Variants in SMPD3 observed in about 807,000 individuals in gnomAD.
SMPD3 encodes the protein sphingomyelin phosphodiesterase 3, also known as nSMase-2.
SMPD3 carries 21 observed loss-of-function variants against 55.7 expected under a neutral mutation model. The ratio of observed to expected loss-of-function variants is 0.38; its 90% confidence interval spans 0.27 to 0.54. The LOEUF is 0.54. SMPD3 is among the 20% of genes least tolerant of loss of function. The pLI, the probability that SMPD3 is intolerant of heterozygous loss-of-function variation, is 0.80. For missense variants in SMPD3, 842 were observed against 899.6 expected (o/e 0.94, Z 0.82); for synonymous variants, 457 against 404.3 (o/e 1.13, Z -1.56).
intron 7 of SMPD3, among the ~76,000 whole-genome samples, 197 bp downstream of exon 7, chr16:68,363,299 G>A (rs963929886): frequency 1.4e-4 from 21 of 152,302 alleles, no homozygotes; most frequent in Admixed American, 2.6e-4. Flanking sequence ...ACCCCTGGGC[G>A]TGAGGGCGTG....
In SMPD3 at chr16:68,404,473, A is replaced by AG. The variant is rs950671301; in HGVS notation, c.-268-17815dup. Among the ~76,000 whole-genome samples the AG allele has an allele frequency of 3.2e-4, 48 of 152,156 alleles. No homozygotes were observed. Among genetic ancestry groups the AG allele is most frequent in the African/African-American group, 1.0e-3 (42 of 41,498 alleles). On this transcript the variant is annotated intron_variant, in intron 1 of 8. Coordinates refer to ENST00000219334, the MANE Select transcript of SMPD3 (RefSeq NM_018667.4). The surrounding 1 kb of genome is among the most constrained non-coding windows in gnomAD (Gnocchi z 4.0). Reference sequence around the variant, plus strand: ...CGCTTGCCTTGGCCTCCCAGGCATGAGCCACCATGCCCAGCTGTTTTCTCT... The same window carrying AG: ...CGCTTGCCTTGGCCTCCCAGGCATGAGGCCACCATGCCCAGCTGTTTTCTCT...
chr16:68,423,555 C>T (rs1249080719), intron 1 of SMPD3, among the ~76,000 whole-genome samples: 3 of 152,128 alleles, frequency 2.0e-5, no homozygotes, highest in Non-Finnish European at 4.4e-5. Context: ...CTTGGACTTC[C>T]CAGCCTCCAG....
chr16:68,444,766 G>A (rs2090597539), intron 1 of SMPD3, among the ~76,000 whole-genome samples: 1 of 152,222 alleles, frequency 6.6e-6, no homozygotes, highest in African/African-American at 2.4e-5. Flanking sequence ...AGGATAAGCA[G>A]GTGGTTCAAT....
chr16:68,409,403 G>A (rs1303467043), intron 1 of SMPD3, among the ~76,000 whole-genome samples: 1 of 152,174 alleles, frequency 6.6e-6, no homozygotes, highest in African/African-American at 2.4e-5. Flanking sequence ...TGTGTTGTGG[G>A]CAGCAGCTCT....
chr16:68,361,057 C>T lies in SMPD3; in HGVS notation c.*149G>A, dbSNP rs965521611. 15 of 705,786 alleles carry T rather than the reference C, an allele frequency of 2.1e-5. No homozygotes were observed. Among genetic ancestry groups the T allele is most frequent in the East Asian group, 1.4e-4 (5 of 36,546 alleles). The allele number at this position is 705,786 out of a possible 1,614,324, so 43.7% of individuals were successfully genotyped here. A position where few individuals can be genotyped will look rare whatever the true frequency, so the allele number is the denominator to read the frequency against. ...AGTGAGGCCCAGAGGCGCAGAGCAG[C>T]GCAGCTTCCAGGTTCCCGGGCACTG... On this transcript the variant is annotated 3_prime_UTR_variant, in exon 9 of 9. Coordinates refer to ENST00000219334, the MANE Select transcript of SMPD3 (RefSeq NM_018667.4).
chr16:68,372,486 T>G, intron 2 of SMPD3, 99 bp from the exon 3 acceptor site: 1 of 459,266 alleles, frequency 2.2e-6, no homozygotes. Context: ...CTGCTTCCCC[T>G]GGTGTGAGTG....
intron 1 of SMPD3, among the ~76,000 whole-genome samples, chr16:68,439,349 G>T (rs1272069238): frequency 6.6e-6 from 1 of 152,134 alleles, no homozygotes; most frequent in Non-Finnish European, 1.5e-5. Context: ...GCCAGACCCT[G>T]GTCTCCTCCT....
chr16:68,409,386 C>T (rs1744033993), intron 1 of SMPD3, among the ~76,000 whole-genome samples: 1 of 152,140 alleles, frequency 6.6e-6, no homozygotes, highest in Admixed American at 6.5e-5. Context: ...CTGACTCGGG[C>T]TGGGTCTGTG....
chr16:68,423,268 C>T (rs901105552), intron 1 of SMPD3, among the ~76,000 whole-genome samples: 2 of 152,156 alleles, frequency 1.3e-5, no homozygotes, highest in African/African-American at 4.8e-5. Context: ...TGGGATTCCT[C>T]AGAGAGTTAC....
chr16:68,396,916 C>A (rs985939977), intron 1 of SMPD3, among the ~76,000 whole-genome samples: 1 of 152,198 alleles, frequency 6.6e-6, no homozygotes, highest in Non-Finnish European at 1.5e-5. Flanking sequence ...TCTTCATCAA[C>A]ATGATTATAT....
At chr16:68,396,036 G>A (rs2090153929) in intron 1 of SMPD3, among the ~76,000 whole-genome samples, 2 of 152,056 alleles carry the variant, frequency 1.3e-5, no homozygotes, top group African/African-American at 4.8e-5. Flanking sequence ...GCCCCTAGTT[G>A]TCTACTCTGT....
chr16:68,445,993 T>C (rs1225396662), intron 1 of SMPD3, among the ~76,000 whole-genome samples: 1 of 152,052 alleles, frequency 6.6e-6, no homozygotes, highest in Non-Finnish European at 1.5e-5. Flanking sequence ...TCTGAGACAC[T>C]GCCTGTGACT....
intron 1 of SMPD3, among the ~76,000 whole-genome samples, chr16:68,394,298 G>T (rs948411486): frequency 2.0e-5 from 3 of 151,980 alleles, no homozygotes; most frequent in African/African-American, 7.3e-5. Context: ...CTACATTTTA[G>T]GTTTCATGTC....
At chr16:68,363,725 G>A (rs2089387609) in intron 6 of SMPD3, 52 bp downstream of exon 6, 1 of 1,513,500 alleles carries the variant, frequency 6.6e-7, no homozygotes. Flanking sequence ...GATCTTTGAG[G>A]GAAGTCTGTG....
chr16:68,436,340 G>A (rs1224373728), intron 1 of SMPD3, among the ~76,000 whole-genome samples: 2 of 152,186 alleles, frequency 1.3e-5, no homozygotes, highest in Non-Finnish European at 2.9e-5. Flanking sequence ...ACACACAAGA[G>A]CGTGCATGTG....
At chr16:68,411,515 A>G (rs984256618) in intron 1 of SMPD3, among the ~76,000 whole-genome samples, 45 of 152,152 alleles carry the variant, frequency 3.0e-4, no homozygotes, top group African/African-American at 1.0e-3. Flanking sequence ...TGAGTGAGGG[A>G]TGGGAGGGTG....
Position 68,361,686 on chromosome 16 carries a change from G to GC in SMPD3, c.1782dup (p.Arg595AlafsTer274). ...CCGTTGCCCTTCAGCAGCTCCTTCC[G>GC]CCCCTTCTGGCCCGAGCTCTTGCTG... On this transcript the variant is annotated frameshift_variant, in exon 8 of 9. Coordinates refer to ENST00000219334, the MANE Select transcript of SMPD3 (RefSeq NM_018667.4). LOFTEE classifies it high-confidence loss of function. 6.2e-7 allele frequency: 1 copy of GC among 1,612,786 alleles called. No individual in the cohort carries two copies.
chr16:68,431,500 A>G (rs528343980), intron 1 of SMPD3, among the ~76,000 whole-genome samples: 11 of 152,176 alleles, frequency 7.2e-5, no homozygotes, highest in Admixed American at 2.0e-4. Context: ...TCCCACATGG[A>G]CTCCCATTTA....
rs149257689 is a variant in SMPD3 at position 68,371,584 on chromosome 16, C to T, written c.598G>A (p.Val200Ile). 338 of 1,575,310 alleles carry T rather than the reference C, an allele frequency of 2.1e-4. 1 individual carries two copies. Among genetic ancestry groups the T allele is most frequent in the South Asian group, 2.0e-3 (169 of 85,674 alleles). Reference protein sequence around the residue: ...PQGGDGVARAVPGSIKRTASV... With the variant: ...PQGGDGVARAIPGSIKRTASV... ...GCTGTCCTCTTAATGCTCCCGGGGACGGCCCGGGCCACCCCATCGCCGCCC... is the reference window on the plus strand; with the variant it reads ...GCTGTCCTCTTAATGCTCCCGGGGATGGCCCGGGCCACCCCATCGCCGCCC... Residue 200 changes from valine to isoleucine, a missense_variant, in exon 3 of 9, where the codon GTC (valine) becomes ATC (isoleucine). Val to Ile is a conservative substitution (Grantham distance 29). Transcript: ENST00000219334.
Sources: gnomAD v4.1 joint callset for allele counts (sites outside exome capture counted in the v4.1 genomes callset) on GRCh38, gnomAD v4.1.1 for gene constraint, Gnocchi (gnomAD v3.1) non-coding constraint, MANE v1.5 for transcripts, NCBI Gene and HGNC (gene_info 2026-07-23, HGNC 2026-07-21) for gene names.